Variants in FAM20A observed in about 807,000 individuals in gnomAD.
FAM20A encodes the protein pseudokinase FAM20A.
A neutral mutation model predicts 52.0 loss-of-function variants in FAM20A; 42 were observed. The ratio of observed to expected loss-of-function variants is 0.81; its 90% CI spans 0.63 to 1.04. The LOEUF (loss-of-function observed/expected upper bound fraction) is 1.04. Among genes scored for constraint, FAM20A ranks in the 50% least tolerant of loss-of-function variants. The pLI is 0.00. For synonymous variants in FAM20A, 304 were observed against 298.9 expected (o/e 1.02, Z -0.18); for missense variants, 742 against 712.7 (o/e 1.04, Z -0.47).
chr17:68,540,024 GA>G, intron 8 of FAM20A, 58 bp from the exon 9 acceptor site: 1 of 1,482,368 alleles, frequency 6.7e-7, no homozygotes, highest in Non-Finnish European at 9.4e-7. Context: ...AGGTGCTCCT[GA>G]CCTGAGTTCT....
At chr17:68,569,388 TC>T (rs781132537) in intron 1 of FAM20A, among the ~76,000 whole-genome samples, 39 of 152,348 alleles carry the variant, frequency 2.6e-4, no homozygotes, top group Admixed American at 6.5e-4. Flanking sequence ...ACTGGGACTC[TC>T]TTTGATCAGC....
At chr17:68,544,728 C>G (rs566729566) in intron 4 of FAM20A, among the ~76,000 whole-genome samples, 6 of 152,182 alleles carry the variant, frequency 3.9e-5, no homozygotes, top group Non-Finnish European at 7.3e-5. Flanking sequence ...CCTCCGTGCT[C>G]AGGCCTGGCC....
intron 1 of FAM20A, among the ~76,000 whole-genome samples, chr17:68,590,899 C>G (rs954301857): frequency 2.7e-5 from 4 of 150,584 alleles, no homozygotes; most frequent in African/African-American, 9.8e-5. Flanking sequence ...CAACTGTAGC[C>G]CTCTGAAGCC....
At chr17:68,551,836 C>A in intron 4 of FAM20A, 37 bp downstream of exon 4, 2 of 1,502,122 alleles carry the variant, frequency 1.3e-6, no homozygotes, top group South Asian at 1.2e-5. Flanking sequence ...CAGGGCCACC[C>A]CAACTGGGTG....
At chr17:68,595,745 G>T (rs1019337996) in intron 1 of FAM20A, among the ~76,000 whole-genome samples, 10 of 152,210 alleles carry the variant, frequency 6.6e-5, no homozygotes, top group African/African-American at 2.4e-4. Flanking sequence ...CTTTCATCCA[G>T]CCTGCGGGTT....
At chr17:68,591,778 T>TG (rs372248705) in intron 1 of FAM20A, 31 of 152,332 alleles carry the variant, frequency 2.0e-4, no homozygotes, top group African/African-American at 6.5e-4. Flanking sequence ...CCCGTTTGCG[T>TG]GGGGAGGAGC....
At chr17:68,581,414 CTTTT>C (rs771494648) in intron 1 of FAM20A, among the ~76,000 whole-genome samples, 137 of 111,172 alleles carry the variant, frequency 1.2e-3, no homozygotes, top group Middle Eastern at 4.7e-3. Context: ...TTCTTTCTTT[CTTTT>C]TCTCTTTTCT....
In FAM20A at chr17:68,555,643, T is replaced by C. The variant is rs2087029249; in HGVS notation, c.505A>G (p.Asn169Asp). Residue 169 changes from asparagine (N) to aspartate (D), a missense_variant, in exon 2 of 11, where the codon AAC (asparagine) becomes GAC (aspartate). Coordinates refer to ENST00000592554, the MANE Select transcript of FAM20A (RefSeq NM_017565.4). ...ASWVQFHLGI[N>D]RHGLYSRSSP... ...GACCGGGAGTAGAGCCCATGGCGGT[T>C]AATACCCAGGTGGAACTGGACCCAG... 6.2e-7 allele frequency: 1 copy of C among 1,609,842 alleles called. No individual in the cohort carries two copies. Among genetic ancestry groups the C allele is most frequent in the Admixed American group, 1.7e-5 (1 of 60,014 alleles).
At chr17:68,566,670 G>A (rs1050853802) in intron 1 of FAM20A, among the ~76,000 whole-genome samples, 2 of 152,218 alleles carry the variant, frequency 1.3e-5, no homozygotes, top group African/African-American at 4.8e-5. Flanking sequence ...CTAAGGGTTT[G>A]CATAGGTATA....
At chr17:68,568,964 C>T (rs1203659987) in intron 1 of FAM20A, among the ~76,000 whole-genome samples, 2 of 151,828 alleles carry the variant, frequency 1.3e-5, no homozygotes, top group African/African-American at 4.9e-5. Flanking sequence ...ACTGCCCGAT[C>T]TTTCTAAGGG....
intron 1 of FAM20A, among the ~76,000 whole-genome samples, chr17:68,594,515 A>C (rs1423778883): frequency 6.6e-6 from 1 of 152,214 alleles, no homozygotes. Context: ...TGTAGGTCAG[A>C]TGTCCAGCTT....
intron 8 of FAM20A, 193 bp downstream of exon 8, chr17:68,540,656 C>T: frequency 1.4e-6 from 1 of 734,094 alleles, no homozygotes; most frequent in Non-Finnish European, 2.4e-6. Flanking sequence ...CCTTGAGCTT[C>T]TTCCAGTTCT....
At chr17:68,568,424 C>T (rs1413829006) in intron 1 of FAM20A, among the ~76,000 whole-genome samples, 4 of 151,434 alleles carry the variant, frequency 2.6e-5, no homozygotes, top group Non-Finnish European at 5.9e-5. Context: ...GCGGAGATCG[C>T]GTCACTGCAC....
Position 68,536,427 on chromosome 17 carries a change from A to G in FAM20A, c.*1050T>C, listed in dbSNP as rs1229770858. On this transcript the variant is annotated 3_prime_UTR_variant, in exon 11 of 11. Coordinates refer to ENST00000592554, the MANE Select transcript of FAM20A (RefSeq NM_017565.4). ...CTATTAAAAGGAGTTTCAGATATCA[A>G]CAAGTCAGGGAGAAGGTAGAGGAGA... 2.2e-6 allele frequency: 1 copy of G among 454,030 alleles called. No homozygotes were observed. Among genetic ancestry groups the G allele is most frequent in the Admixed American group, 2.3e-5 (1 of 42,564 alleles). 28.1% of individuals were successfully genotyped at this position (454,030 alleles called of 1,614,324 possible). A position where few individuals can be genotyped will look rare whatever the true frequency, so the allele number is the denominator to read the frequency against.
chr17:68,593,315 A>G (rs1459017218), intron 1 of FAM20A, among the ~76,000 whole-genome samples: 4 of 152,248 alleles, frequency 2.6e-5, no homozygotes, highest in Admixed American at 6.5e-5. Context: ...AAGGGGGCAG[A>G]GCAGGGATAG....
At chr17:68,558,285 C>T (rs548799458) in intron 1 of FAM20A, 1 of 410,616 alleles carries the variant, frequency 2.4e-6, no homozygotes, top group African/African-American at 2.1e-5. Flanking sequence ...CCAACCAACA[C>T]CTTGATTTTA....
chr17:68,575,146 T>G (rs2087690746), intron 1 of FAM20A: 1 of 151,936 alleles, frequency 6.6e-6, no homozygotes, highest in African/African-American at 2.4e-5. Context: ...GACACAGCCT[T>G]GCATACATCT....
At chr17:68,553,252 C>G (rs183158610) in intron 3 of FAM20A, among the ~76,000 whole-genome samples, 30 of 152,272 alleles carry the variant, frequency 2.0e-4, no homozygotes, top group African/African-American at 6.5e-4. Context: ...TTCCCCTCCC[C>G]CTTCTGCCAT....
chr17:68,552,729 C>T lies in FAM20A; in HGVS notation c.641-778G>A, dbSNP rs1238567748. On this transcript the variant is annotated intron_variant, in intron 3 of 10. Transcript: ENST00000592554. ...TCGCTCTGTCGCCCAGGCCGGACTG[C>T]GGACTGCAGTGGCGCAATCTCGGCT... Among the ~76,000 whole-genome samples the T allele has an allele frequency of 2.5e-5, 3 of 117,856 alleles. 1 individual carries two copies. The highest frequency in any genetic ancestry group is 3.3e-5 in the Non-Finnish European group (2 of 60,012). The allele number at this position is 117,856 out of a possible 152,430, so 77.3% of individuals were successfully genotyped here. A position where few individuals can be genotyped will look rare whatever the true frequency, so the allele number is the denominator to read the frequency against.
Sources: gnomAD v4.1 joint callset for allele counts (sites outside exome capture counted in the v4.1 genomes callset) on GRCh38, gnomAD v4.1.1 for gene constraint, MANE v1.5 for transcripts, NCBI Gene and HGNC (gene_info 2026-07-23, HGNC 2026-07-21) for gene names.